Variants in SYBU observed in about 807,000 individuals in gnomAD.
SYBU encodes the protein GOLSYN A protein.
SYBU carries 21 observed loss-of-function variants against 35.9 expected under a neutral mutation model. That is an observed-to-expected ratio of 0.58 (90% CI 0.41 to 0.84). The LOEUF is 0.84. SYBU is among the 40% of genes least tolerant of loss of function. SYBU has a pLI of 0.00. For missense variants in SYBU, 768 were observed against 848.2 expected (o/e 0.91, Z 1.17); for synonymous variants, 319 against 324.3 (o/e 0.98, Z 0.18).
At chr8:109,622,378 T>C (rs1476629279) in intron 2 of SYBU, among the ~76,000 whole-genome samples, 1 of 152,088 alleles carries the variant, frequency 6.6e-6, no homozygotes, top group Non-Finnish European at 1.5e-5. Flanking sequence ...ATTACAAGCA[T>C]GTACCACCCA....
chr8:109,659,769 G>T (rs184822208), intron 1 of SYBU, among the ~76,000 whole-genome samples: 1 of 151,844 alleles, frequency 6.6e-6, no homozygotes, highest in Non-Finnish European at 1.5e-5. Flanking sequence ...CTGTAAATAG[G>T]CACACTTTAA....
intron 3 of SYBU, among the ~76,000 whole-genome samples, chr8:109,605,539 A>G (rs149422363): frequency 3.0e-4 from 46 of 152,300 alleles, no homozygotes; most frequent in Non-Finnish European, 6.3e-4. Context: ...TCCAGGGAAA[A>G]CAGAAGGAAA....
chr8:109,639,938 C>A (rs149858143), intron 2 of SYBU, among the ~76,000 whole-genome samples: 1 of 152,296 alleles, frequency 6.6e-6, no homozygotes, highest in East Asian at 1.9e-4. Context: ...TTAGCCTACA[C>A]AGCACTCAAA....
At chr8:109,686,900 T>C (rs553990118) in intron 1 of SYBU, among the ~76,000 whole-genome samples, 2 of 152,302 alleles carry the variant, frequency 1.3e-5, no homozygotes, top group South Asian at 4.1e-4. Flanking sequence ...ACTTAGAAGG[T>C]CATTTGGAAT....
At chr8:109,612,007 C>A (rs1485536095) in intron 3 of SYBU, among the ~76,000 whole-genome samples, 1 of 152,128 alleles carries the variant, frequency 6.6e-6, no homozygotes, top group Non-Finnish European at 1.5e-5. Context: ...TTAATTTTAA[C>A]ACTCTCCTAG....
chr8:109,652,508 T>C (rs1563766332), intron 1 of SYBU, among the ~76,000 whole-genome samples: 1 of 152,152 alleles, frequency 6.6e-6, no homozygotes, highest in African/African-American at 2.4e-5. Flanking sequence ...TGTAACCTTC[T>C]AGAAGAAAGG....
chr8:109,617,737 G>A (rs982808458), intron 3 of SYBU, among the ~76,000 whole-genome samples: 2 of 152,050 alleles, frequency 1.3e-5, no homozygotes, highest in African/African-American at 2.4e-5. Flanking sequence ...GACTATTAAC[G>A]AATTCATTAT....
chr8:109,577,442 C>T (rs1260784128), intron 6 of SYBU, among the ~76,000 whole-genome samples: 1 of 151,778 alleles, frequency 6.6e-6, no homozygotes, highest in Non-Finnish European at 1.5e-5. Context: ...GCAGGAATCA[C>T]AATGCACACA....
intron 1 of SYBU, among the ~76,000 whole-genome samples, chr8:109,686,391 C>A (rs1817520024): frequency 6.6e-6 from 1 of 152,198 alleles, no homozygotes. Context: ...CAAACCCCTT[C>A]TCTCTTGTGG....
intron 3 of SYBU, among the ~76,000 whole-genome samples, chr8:109,616,446 T>A (rs1811803007): frequency 6.6e-6 from 1 of 152,004 alleles, no homozygotes; most frequent in Non-Finnish European, 1.5e-5. Context: ...ATACACAGAG[T>A]TTTAAGTATT....
intron 2 of SYBU, among the ~76,000 whole-genome samples, chr8:109,632,875 A>G (rs1166077873): frequency 6.6e-6 from 1 of 152,224 alleles, no homozygotes; most frequent in Non-Finnish European, 1.5e-5. Context: ...TGACAGGTAC[A>G]GGTACTGCCT....
chr8:109,653,385 C>A (rs1251375563), intron 1 of SYBU, among the ~76,000 whole-genome samples: 1 of 152,132 alleles, frequency 6.6e-6, no homozygotes. Flanking sequence ...TATCTCCCAT[C>A]TTCCCCTGCC....
Position 109,574,752 on chromosome 8 carries a change from A to T in SYBU, c.*154T>A. On this transcript the variant is annotated 3_prime_UTR_variant, in exon 7 of 7. Coordinates refer to ENST00000276646, the MANE Select transcript of SYBU (RefSeq NM_001099754.2). The stretch of plus-strand genomic sequence containing the variant: ...TGCCTTTGAAGATACCTCCGGTTTT[A>T]AACAGTGAACAGGCTTCAACTAAAT... 1.3e-6 allele frequency: 1 copy of T among 776,332 alleles called. No homozygotes were observed. Among genetic ancestry groups the T allele is most frequent in the Non-Finnish European group, 1.9e-6 (1 of 530,246 alleles). The allele number at this position is 776,332 out of a possible 1,614,324, so 48.1% of individuals were successfully genotyped here.
At chr8:109,585,967 C>A in intron 4 of SYBU, 93 bp downstream of exon 4, 3 of 786,236 alleles carry the variant, frequency 3.8e-6, no homozygotes, top group South Asian at 1.7e-5. Context: ...AAAATATGAA[C>A]GGACAGTAAT....
At chr8:109,663,164 A>G (rs910348833) in intron 1 of SYBU, among the ~76,000 whole-genome samples, 1 of 152,212 alleles carries the variant, frequency 6.6e-6, no homozygotes, top group Non-Finnish European at 1.5e-5. Context: ...CGAATGAATT[A>G]TATCAAGCAC....
intron 1 of SYBU, among the ~76,000 whole-genome samples, chr8:109,665,937 C>T (rs907784598): frequency 1.3e-5 from 2 of 152,100 alleles, no homozygotes; most frequent in Admixed American, 1.3e-4. Flanking sequence ...TCCACTAAGG[C>T]CATTTTGGGA....
intron 2 of SYBU, among the ~76,000 whole-genome samples, chr8:109,623,123 T>TA (rs1470732001): frequency 5.9e-5 from 9 of 152,166 alleles, no homozygotes; most frequent in African/African-American, 2.2e-4. Flanking sequence ...TAACTTTACC[T>TA]AAAAAACATG....
At chr8:109,650,059 G>A (rs183000082) in intron 1 of SYBU, among the ~76,000 whole-genome samples, 10 of 152,318 alleles carry the variant, frequency 6.6e-5, no homozygotes, top group African/African-American at 2.4e-4. Flanking sequence ...ACCAGAAAGT[G>A]TGGGAAAAGC....
chr8:109,579,260 T>C (rs917425021), intron 5 of SYBU, among the ~76,000 whole-genome samples: 11 of 152,148 alleles, frequency 7.2e-5, no homozygotes, highest in African/African-American at 2.7e-4. Flanking sequence ...CCACACTCCC[T>C]ACAATCTCAT....
Sources: gnomAD v4.1 joint callset for allele counts (sites outside exome capture counted in the v4.1 genomes callset) on GRCh38, gnomAD v4.1.1 for gene constraint, MANE v1.5 for transcripts, NCBI Gene and HGNC (gene_info 2026-07-23, HGNC 2026-07-21) for gene names.